The following CHRM3 variants were observed in gnomAD, a reference collection of about 807,000 sequenced individuals.
The protein encoded by CHRM3 is muscarinic acetylcholine receptor M3.
Under a neutral mutation model 41.8 loss-of-function variants are expected in CHRM3, and 11 were observed. The ratio of observed to expected loss-of-function variants is 0.26; its 90% CI spans 0.17 to 0.44. CHRM3 has a LOEUF of 0.44. CHRM3 is among the 20% of genes least tolerant of loss of function. The pLI, the probability that CHRM3 is intolerant of heterozygous loss-of-function variation, is 1.00. For synonymous variants in CHRM3, 297 were observed against 301.4 expected, an observed-to-expected ratio of 0.99 and a Z score of 0.15; for missense variants, 571 against 745.4, an observed-to-expected ratio of 0.77 and a Z score of 2.72.
chr1:239,746,297 C>T (rs559548711), intron 5 of CHRM3, among the ~76,000 whole-genome samples: 3 of 152,144 alleles, frequency 2.0e-5, no homozygotes, highest in African/African-American at 4.8e-5. Flanking sequence ...ATATTTCTTG[C>T]GCATTTGTTC....
chr1:239,693,184 T>A (rs1294862522), intron 5 of CHRM3, among the ~76,000 whole-genome samples: 1 of 152,148 alleles, frequency 6.6e-6, no homozygotes, highest in African/African-American at 2.4e-5. Flanking sequence ...GTAGACTCTC[T>A]CCATCCCCTT....
intron 1 of CHRM3, among the ~76,000 whole-genome samples, chr1:239,392,854 A>G (rs1274502647): frequency 6.6e-6 from 1 of 152,198 alleles, no homozygotes; most frequent in Non-Finnish European, 1.5e-5. Context: ...AGAATTGCCC[A>G]TGGGATCCAG....
intron 3 of CHRM3, among the ~76,000 whole-genome samples, chr1:239,591,876 T>C (rs1440060552): frequency 2.0e-5 from 3 of 152,196 alleles, no homozygotes; most frequent in African/African-American, 7.2e-5. Context: ...GTCATTTCTA[T>C]GTCCTCAGGA....
In CHRM3 at chr1:239,660,502, T is replaced by C. The variant is rs539239503; in HGVS notation, c.-249-17684T>C. Among the ~76,000 whole-genome samples the C allele has an allele frequency of 3.0e-4, 45 of 152,262 alleles. No homozygotes were observed. The South Asian group carries it at 8.9e-3, about 30-fold the overall frequency. On this transcript the variant is annotated intron_variant, in intron 4 of 6. Transcript: ENST00000676153. ...TAAGAAAATTGCAGTCCTTAGTCTATATATATTAAAAAAAATCTTATTGAA... is the reference window on the plus strand; with the variant it reads ...TAAGAAAATTGCAGTCCTTAGTCTACATATATTAAAAAAAATCTTATTGAA...
intron 1 of CHRM3, among the ~76,000 whole-genome samples, chr1:239,482,046 T>C (rs922179597): frequency 1.3e-5 from 2 of 152,322 alleles, no homozygotes; most frequent in African/African-American, 4.8e-5. Flanking sequence ...TTCTTTTTTC[T>C]ATTACAAAGG....
chr1:239,517,520 G>A (rs757577031), intron 2 of CHRM3, among the ~76,000 whole-genome samples: 1 of 152,056 alleles, frequency 6.6e-6, no homozygotes, highest in Non-Finnish European at 1.5e-5. Context: ...TATCATCAAC[G>A]TAATATGGCT....
Position 239,911,303 on chromosome 1 carries a change from A to G in CHRM3, c.*2079A>G, listed in dbSNP as rs1219004813. 6.0e-6 allele frequency: 1 copy of G among 166,988 alleles called. No homozygotes were observed. The highest frequency in any genetic ancestry group is 1.9e-4 in the East Asian group (1 of 5,190). 10.3% of individuals were successfully genotyped at this position (166,988 alleles called of 1,614,324 possible). ...TTGTAAGAATGATTTTTTTGGGCCC[A>G]CATTCAACCAAAGAACAAGAAAGAA... On this transcript the variant is annotated 3_prime_UTR_variant, in exon 7 of 7. Transcript: ENST00000676153.
intron 5 of CHRM3, among the ~76,000 whole-genome samples, chr1:239,819,242 C>G (rs1039574968): frequency 2.6e-5 from 4 of 152,306 alleles, no homozygotes; most frequent in Admixed American, 2.6e-4. Context: ...GGCTAGTAGG[C>G]ACAGACCCCA....
At chr1:239,543,519 T>TA (rs1558305376) in intron 2 of CHRM3, among the ~76,000 whole-genome samples, 2 of 151,942 alleles carry the variant, frequency 1.3e-5, no homozygotes, top group Non-Finnish European at 2.9e-5. Flanking sequence ...TTTTATTTTT[T>TA]TTTTTTGTGA....
intron 3 of CHRM3, among the ~76,000 whole-genome samples, chr1:239,552,522 T>TATAA (rs1314028077): frequency 1.4e-4 from 20 of 147,356 alleles, no homozygotes; most frequent in African/African-American, 4.7e-4. Context: ...TATATATATA[T>TATAA]AAACGATAAG....
At chr1:239,823,712 A>AT (rs1672231797) in intron 5 of CHRM3, among the ~76,000 whole-genome samples, 3 of 152,260 alleles carry the variant, frequency 2.0e-5, no homozygotes, top group African/African-American at 7.2e-5. Context: ...TTTATGTGAG[A>AT]TTTTTCCAAT....
chr1:239,550,954 G>T (rs1659751083), intron 3 of CHRM3, among the ~76,000 whole-genome samples: 1 of 151,652 alleles, frequency 6.6e-6, no homozygotes, highest in South Asian at 2.1e-4. Context: ...TATTTCTTTT[G>T]ATTGCTTTTG....
At chr1:239,506,253 G>A (rs1316961156) in intron 2 of CHRM3, among the ~76,000 whole-genome samples, 1 of 152,114 alleles carries the variant, frequency 6.6e-6, no homozygotes, top group Non-Finnish European at 1.5e-5. Flanking sequence ...GCTTGTCAGA[G>A]GTCTTTACAG....
chr1:239,654,603 G>C (rs1672546631), intron 4 of CHRM3, among the ~76,000 whole-genome samples: 1 of 152,026 alleles, frequency 6.6e-6, no homozygotes, highest in African/African-American at 2.4e-5. Context: ...TTTACCATGT[G>C]GGCCGGGAAA....
chr1:239,803,301 C>G (rs999296557), intron 5 of CHRM3, among the ~76,000 whole-genome samples: 3 of 152,118 alleles, frequency 2.0e-5, no homozygotes, highest in African/African-American at 4.8e-5. Context: ...ATTCGGAGAC[C>G]ACTTTCCTTA....
At chr1:239,557,544 C>T (rs746092990) in intron 3 of CHRM3, among the ~76,000 whole-genome samples, 3 of 152,092 alleles carry the variant, frequency 2.0e-5, no homozygotes, top group Non-Finnish European at 2.9e-5. Context: ...TGGGTAAATG[C>T]GTGGCATGGT....
chr1:239,757,793 C>T (rs1244834007), intron 5 of CHRM3, among the ~76,000 whole-genome samples: 3 of 152,128 alleles, frequency 2.0e-5, no homozygotes, highest in African/African-American at 7.2e-5. Flanking sequence ...GGTAAATGAA[C>T]GTTGAATGTT....
At chr1:239,682,520 T>A (rs1658668837) in intron 5 of CHRM3, among the ~76,000 whole-genome samples, 2 of 152,148 alleles carry the variant, frequency 1.3e-5, no homozygotes, top group Admixed American at 1.3e-4. Flanking sequence ...GTATCTGAAA[T>A]TAACCTTGGA....
At chr1:239,814,457 T>C (rs892880243) in intron 5 of CHRM3, among the ~76,000 whole-genome samples, 2 of 152,170 alleles carry the variant, frequency 1.3e-5, no homozygotes, top group African/African-American at 4.8e-5. Flanking sequence ...TTCAGAGATG[T>C]CCAGAGCTCC....
Sources: allele counts gnomAD v4.1 joint callset (sites outside exome capture counted in the v4.1 genomes callset), GRCh38; gene constraint gnomAD v4.1.1; transcripts MANE v1.5; gene names NCBI Gene and HGNC (gene_info 2026-07-23, HGNC 2026-07-21).